FAM171A1: variants seen among roughly 807,000 people sequenced by gnomAD.
FAM171A1 encodes protein FAM171A1.
FAM171A1 carries 23 observed loss-of-function variants against 74.9 expected under a neutral mutation model. The ratio of observed to expected loss-of-function variants is 0.31; its 90% CI spans 0.22 to 0.44. The LOEUF is 0.44. Ranked by LOEUF, FAM171A1 falls within the 20% of genes least tolerant of loss-of-function variation. The pLI is 1.00. For synonymous variants in FAM171A1, 527 were observed against 505.7 expected, an observed-to-expected ratio of 1.04 and a Z score of -0.57; for missense variants, 1,162 against 1,159.2, an observed-to-expected ratio of 1.00 and a Z score of -0.03.
chr10:15,256,758 C>A (rs1834585538), intron 3 of FAM171A1, among the ~76,000 whole-genome samples: 1 of 152,146 alleles, frequency 6.6e-6, no homozygotes, highest in Non-Finnish European at 1.5e-5. Flanking sequence ...GTGGAGAGTT[C>A]AAATTCCTCG....
intron 3 of FAM171A1, among the ~76,000 whole-genome samples, chr10:15,260,767 T>C (rs1041559237): frequency 7.9e-5 from 12 of 152,288 alleles, no homozygotes; most frequent in Non-Finnish European, 1.3e-4. Context: ...AGTTCTTTGT[T>C]TGGGGGTGTC....
chr10:15,339,524 T>G (rs550953866), intron 1 of FAM171A1, among the ~76,000 whole-genome samples: 1 of 152,166 alleles, frequency 6.6e-6, no homozygotes, highest in Non-Finnish European at 1.5e-5. Context: ...TGTTTATGAT[T>G]TGACATCATG....
intron 2 of FAM171A1, 110 bp downstream of exon 2, chr10:15,283,768 A>C: frequency 5.9e-6 from 6 of 1,022,642 alleles, no homozygotes; most frequent in Non-Finnish European, 8.7e-6. Context: ...ATTTTTTTGT[A>C]GAGATGCAGT....
chr10:15,242,330 T>C (rs1187374320), intron 5 of FAM171A1, among the ~76,000 whole-genome samples: 1 of 152,222 alleles, frequency 6.6e-6, no homozygotes, highest in African/African-American at 2.4e-5. Flanking sequence ...AAAAAACATA[T>C]GGTTTCTTTG....
intron 1 of FAM171A1, among the ~76,000 whole-genome samples, chr10:15,348,871 T>C (rs1481129834): frequency 6.6e-6 from 1 of 152,200 alleles, no homozygotes; most frequent in African/African-American, 2.4e-5. Flanking sequence ...CTGTACTCCA[T>C]TTCATTTTAT....
At chr10:15,251,747 T>G (rs1834511790) in intron 4 of FAM171A1, among the ~76,000 whole-genome samples, 1 of 152,074 alleles carries the variant, frequency 6.6e-6, no homozygotes. Flanking sequence ...AGGGCTAAAC[T>G]ATTTTCCTTC....
At chr10:15,347,070 T>A (rs901478766) in intron 1 of FAM171A1, among the ~76,000 whole-genome samples, 4 of 151,770 alleles carry the variant, frequency 2.6e-5, no homozygotes, top group South Asian at 2.1e-4. Context: ...ATTAAACAAT[T>A]TTTTTTAAAA....
chr10:15,336,963 C>G (rs1258143054), intron 1 of FAM171A1, among the ~76,000 whole-genome samples: 1 of 151,850 alleles, frequency 6.6e-6, no homozygotes, highest in East Asian at 1.9e-4. Context: ...GGTGTGATCA[C>G]AACTTACTGC....
At chr10:15,352,866 G>A (rs1412429503) in intron 1 of FAM171A1, among the ~76,000 whole-genome samples, 1 of 152,176 alleles carries the variant, frequency 6.6e-6, no homozygotes, top group African/African-American at 2.4e-5. Context: ...TAGAGTAAAG[G>A]GAAGCAAACG....
At chr10:15,347,354 A>G (rs560548446) in intron 1 of FAM171A1, among the ~76,000 whole-genome samples, 79 of 152,324 alleles carry the variant, frequency 5.2e-4, no homozygotes, top group African/African-American at 1.8e-3. Flanking sequence ...TCCCTGAAGC[A>G]GTTTTCATTG....
chr10:15,213,890 G>A lies in FAM171A1; in HGVS notation c.1698C>T (p.Val566=), dbSNP rs746470792. The A allele has an allele frequency of 2.5e-6, 4 of 1,614,174 alleles. No individual in the cohort carries two copies. The highest frequency in any genetic ancestry group is 3.4e-6 in the Non-Finnish European group (4 of 1,180,042). ...RPGQLICCSS[V]DQVNDSVYRK... is the part of the protein sequence containing the mutation. ...TGTAAACGCTGTCATTGACCTGGTC[G>A]ACAGAACTGCAGCAGATTAACTGGC... The change falls in exon 8 of 8, where the codon GTC becomes GTT. Residue 566 remains valine (V), a synonymous_variant. Coordinates refer to ENST00000378116, the MANE Select transcript of FAM171A1 (RefSeq NM_001010924.2). The surrounding 1 kb of genome is among the most constrained non-coding windows in gnomAD (Gnocchi z 6.8).
intron 1 of FAM171A1, among the ~76,000 whole-genome samples, chr10:15,316,477 G>C (rs1477371868): frequency 6.6e-6 from 1 of 152,190 alleles, no homozygotes; most frequent in Admixed American, 6.5e-5. Context: ...CTCGGGGTGA[G>C]TCCATGTGTC....
At chr10:15,254,664 A>G (rs1229815991) in intron 4 of FAM171A1, 57 bp downstream of exon 4, 23 of 1,569,912 alleles carry the variant, frequency 1.5e-5, no homozygotes, top group Middle Eastern at 1.7e-4. Flanking sequence ...CCTAAAATCC[A>G]CATGTAAAGA....
intron 1 of FAM171A1, among the ~76,000 whole-genome samples, chr10:15,341,225 A>C (rs560949932): frequency 8.3e-4 from 127 of 152,224 alleles, no homozygotes; most frequent in Non-Finnish European, 1.7e-3. Flanking sequence ...AAATTGGGAC[A>C]GCTCCCCCTA....
rs913155707 is a variant in FAM171A1 at position 15,218,336 on chromosome 10, C to T, written c.872-2226G>A. 2.0e-5 allele frequency among the ~76,000 whole-genome samples: 3 copies of T among 152,134 alleles called. No homozygotes were observed. In the East Asian group the frequency reaches 5.8e-4, roughly 29 times the overall value. ...CCTCATGATTCGCCCACTTTGGCCT[C>T]CCAAAGTCCTGGGATTACAGGCATG... is the stretch of plus-strand genomic sequence containing the variant. On this transcript the variant is annotated intron_variant, in intron 6 of 7. Coordinates refer to ENST00000378116, the MANE Select transcript of FAM171A1 (RefSeq NM_001010924.2).
At chr10:15,282,048 A>G (rs1834976958) in intron 2 of FAM171A1, among the ~76,000 whole-genome samples, 2 of 152,048 alleles carry the variant, frequency 1.3e-5, no homozygotes, top group Admixed American at 1.3e-4. Flanking sequence ...CAAGCTTTTC[A>G]TGTCTTTAAG....
chr10:15,356,445 A>C (rs1835933195), intron 1 of FAM171A1, among the ~76,000 whole-genome samples: 1 of 152,072 alleles, frequency 6.6e-6, no homozygotes, highest in Non-Finnish European at 1.5e-5. Context: ...TAGCAATGGC[A>C]CTCCTAGGTA....
chr10:15,249,185 C>T (rs1834476606), intron 4 of FAM171A1, among the ~76,000 whole-genome samples: 1 of 151,782 alleles, frequency 6.6e-6, no homozygotes, highest in Non-Finnish European at 1.5e-5. Context: ...TAACCTCCAC[C>T]TCCTGGGTTC....
chr10:15,307,490 C>T (rs1835310668), intron 1 of FAM171A1, among the ~76,000 whole-genome samples: 1 of 151,880 alleles, frequency 6.6e-6, no homozygotes. Context: ...ACTAAAAACA[C>T]AGCAAATTAG....
Sources: allele counts gnomAD v4.1 joint callset (sites outside exome capture counted in the v4.1 genomes callset), GRCh38; gene constraint gnomAD v4.1.1; non-coding constraint Gnocchi (gnomAD v3.1); transcripts MANE v1.5; gene names NCBI Gene and HGNC (gene_info 2026-07-23, HGNC 2026-07-21).